DAB2IP: variants seen among roughly 807,000 people sequenced by gnomAD.
DAB2IP encodes DAB2 interacting protein, also known as disabled homolog 2-interacting protein.
A neutral mutation model predicts 107.2 loss-of-function variants in DAB2IP; 28 were observed. That is an observed-to-expected ratio of 0.26 (90% CI 0.19 to 0.36). The LOEUF (loss-of-function observed/expected upper bound fraction) is 0.36, where lower values mean the gene tolerates loss of function less well. Ranked by LOEUF, DAB2IP falls within the 10% of genes least tolerant of loss-of-function variation. DAB2IP has a pLI of 1.00. For missense variants in DAB2IP, 1,400 were observed against 1,644.7 expected (o/e 0.85, Z 2.57); for synonymous variants, 755 against 706.4 (o/e 1.07, Z -1.09).
intron 1 of DAB2IP, among the ~76,000 whole-genome samples, chr9:121,619,467 C>T (rs1412352915): frequency 6.6e-6 from 1 of 152,184 alleles, no homozygotes; most frequent in Non-Finnish European, 1.5e-5. Flanking sequence ...TTAACTGTGA[C>T]AAGAGTGAGC....
Position 121,651,744 on chromosome 9 carries a change from C to A in DAB2IP, c.-32C>A. The A allele has an allele frequency of 7.9e-7, 1 of 1,267,890 alleles. No homozygotes were observed. The highest frequency in any genetic ancestry group is 1.0e-6 in the Non-Finnish European group (1 of 1,003,442). The allele number at this position is 1,267,890 out of a possible 1,614,324, so 78.5% of individuals were successfully genotyped here. A position where few individuals can be genotyped will look rare whatever the true frequency, so the allele number is the denominator to read the frequency against. On this transcript the variant is annotated 5_prime_UTR_variant, in exon 1 of 16. Transcript: ENST00000408936. The surrounding 1 kb of genome is among the most constrained non-coding windows in gnomAD (Gnocchi z 5.1). ...CCGATGGGGCCCGTGTGAGCGCGCC[C>A]AGGCCCGGCCCGGTGCCCGGCGGGC...
chr9:121,701,691 A>C lies in DAB2IP; in HGVS notation c.362+2233A>C, dbSNP rs1829792079. 6.6e-6 allele frequency among the ~76,000 whole-genome samples: 1 copy of C among 152,006 alleles called. No individual in the cohort carries two copies. Among genetic ancestry groups the C allele is most frequent in the African/African-American group, 2.4e-5 (1 of 41,376 alleles). On this transcript the variant is annotated intron_variant, in intron 3 of 15. Coordinates refer to ENST00000408936, the Ensembl canonical transcript of DAB2IP. The surrounding 1 kb of genome is among the most constrained non-coding windows in gnomAD (Gnocchi z 4.7). ...GCTGCTGCTGGGATGGATGGGCAGA[A>C]ATTTCTCTGGGGCTGTCCCTGGAGT...
chr9:121,717,059 G>GC (rs570395213), intron 3 of DAB2IP, among the ~76,000 whole-genome samples: 43 of 152,338 alleles, frequency 2.8e-4, no homozygotes, highest in African/African-American at 9.9e-4. Flanking sequence ...ATGAAGATGG[G>GC]CCGGGGTCTC....
chr9:121,741,146 A>C (rs1252987722), intron 3 of DAB2IP, among the ~76,000 whole-genome samples: 1 of 152,034 alleles, frequency 6.6e-6, no homozygotes, highest in Non-Finnish European at 1.5e-5. Flanking sequence ...CTCTCCCCAC[A>C]TGCGCACCAG....
intron 3 of DAB2IP, among the ~76,000 whole-genome samples, chr9:121,747,321 G>A (rs189456246): frequency 2.4e-4 from 36 of 150,290 alleles, no homozygotes; most frequent in East Asian, 9.8e-4. Flanking sequence ...ACTCACCCTC[G>A]TCAATGAGTG....
At chr9:121,704,747 C>T (rs1829972123) in intron 3 of DAB2IP, among the ~76,000 whole-genome samples, 1 of 152,164 alleles carries the variant, frequency 6.6e-6, no homozygotes. Flanking sequence ...AATTCCTAAT[C>T]CTATCATTCA....
In DAB2IP at chr9:121,752,464, G is replaced by A. The variant is rs116348457; in HGVS notation, c.363-4549G>A. Among the ~76,000 whole-genome samples, 185 of 152,356 alleles carry A rather than the reference G, an allele frequency of 1.2e-3. 4 individuals are homozygous for A. The highest frequency in any genetic ancestry group is 4.1e-3 in the African/African-American group (171 of 41,572). On this transcript the variant is annotated intron_variant, in intron 3 of 15. Transcript: ENST00000408936. ...CAAGGAGCCCCCTGCCTGACAAGGAGCCAGTTCTGTGACAGACCTTCCCAG... is the reference window on the plus strand; with the variant it reads ...CAAGGAGCCCCCTGCCTGACAAGGAACCAGTTCTGTGACAGACCTTCCCAG...
In DAB2IP at chr9:121,699,276, G is replaced by A. The variant is rs1311192757; in HGVS notation, c.229-49G>A. 7.1e-6 allele frequency: 9 copies of A among 1,267,372 alleles called. No homozygotes were observed. Among genetic ancestry groups the A allele is most frequent in the South Asian group, 1.7e-5 (1 of 58,536 alleles). The allele number at this position is 1,267,372 out of a possible 1,614,324, so 78.5% of individuals were successfully genotyped here. A position where few individuals can be genotyped will look rare whatever the true frequency, so the allele number is the denominator to read the frequency against. ...CCCGCGCGGGTCCCGGCCCGCCGCC[G>A]CCGCGCTAACCCCGCCTCCCCTTCC... On this transcript the variant is annotated intron_variant, in intron 2 of 15. Coordinates refer to ENST00000408936, the Ensembl canonical transcript of DAB2IP. This position sits in a 1 kb window ranked among gnomAD's most constrained non-coding sequence, Gnocchi z 6.2.
At chr9:121,735,243 G>T (rs1410798614) in intron 3 of DAB2IP, among the ~76,000 whole-genome samples, 1 of 152,194 alleles carries the variant, frequency 6.6e-6, no homozygotes, top group African/African-American at 2.4e-5. Flanking sequence ...TGGGCAGACG[G>T]GGTGGTGTTG....
At chr9:121,586,274 G>A (rs1830310833) in intron 1 of DAB2IP, among the ~76,000 whole-genome samples, 1 of 152,248 alleles carries the variant, frequency 6.6e-6, no homozygotes, top group African/African-American at 2.4e-5. Context: ...CCTGATGGCA[G>A]ATGAACTTCA....
At chr9:121,703,683 A>T (rs1006011340) in intron 3 of DAB2IP, among the ~76,000 whole-genome samples, 1 of 152,190 alleles carries the variant, frequency 6.6e-6, no homozygotes, top group African/African-American at 2.4e-5. Flanking sequence ...CATTTCTTAA[A>T]TGTTTCTAAA....
chr9:121,653,170 TAGTA>T (rs1832823427), intron 1 of DAB2IP, among the ~76,000 whole-genome samples: 1 of 104,096 alleles, frequency 9.6e-6, no homozygotes, highest in Non-Finnish European at 2.1e-5. Flanking sequence ...ACTAAGCCTT[TAGTA>T]CTCCTTGGAG....
rs1832034763 is a variant in DAB2IP, at chr9:121,635,016, A to G, written c.41-43662A>G. On this transcript the variant is annotated intron_variant, in intron 1 of 16. Transcript: ENST00000259371. This position sits in a 1 kb window ranked among gnomAD's most constrained non-coding sequence, Gnocchi z 4.3. ...CCCACCCAGCCTCAGACCTGTGTAT[A>G]TGTGTGTGTGTGTGCGCGTGCGTGT... 6.6e-6 allele frequency among the ~76,000 whole-genome samples: 1 copy of G among 151,688 alleles called. No homozygotes were observed. The highest frequency in any genetic ancestry group is 2.1e-4 in the South Asian group (1 of 4,798).
At chr9:121,765,235 A>T (rs1431547100) in intron 8 of DAB2IP, among the ~76,000 whole-genome samples, 1 of 151,938 alleles carries the variant, frequency 6.6e-6, no homozygotes, top group Non-Finnish European at 1.5e-5. Flanking sequence ...TGGGCATGTG[A>T]CTCAGGGAAA....
At chr9:121,738,383 A>G (rs1048854087) in intron 3 of DAB2IP, among the ~76,000 whole-genome samples, 4 of 152,216 alleles carry the variant, frequency 2.6e-5, no homozygotes, top group Non-Finnish European at 5.9e-5. Flanking sequence ...CTTTACTTCT[A>G]AAACTTTTAT....
chr9:121,602,582 G>T (rs957522874), intron 1 of DAB2IP, among the ~76,000 whole-genome samples: 18 of 151,998 alleles, frequency 1.2e-4, no homozygotes, highest in Non-Finnish European at 1.6e-4. Flanking sequence ...GTTTTGTTTT[G>T]TTTTGTTTTT....
At chr9:121,614,436 G>GT (rs1056572841) in intron 1 of DAB2IP, among the ~76,000 whole-genome samples, 4 of 149,886 alleles carry the variant, frequency 2.7e-5, no homozygotes, top group African/African-American at 9.9e-5. Context: ...TGCCTCCTAG[G>GT]TTCAAGTGAT....
chr9:121,776,468 C>A lies in DAB2IP; in HGVS notation c.3314+77C>A. 1 of 1,406,528 alleles carries A rather than the reference C, an allele frequency of 7.1e-7. No individual in the cohort carries two copies. The highest frequency in any genetic ancestry group is 1.5e-5 in the South Asian group (1 of 66,940). The allele number at this position is 1,406,528 out of a possible 1,614,324, so 87.1% of individuals were successfully genotyped here. ...CGCTGCCTTCGAGGAGGCCCCTGGT[C>A]GGGGAGCCTCCTCAAAGGATAAGCT... On this transcript the variant is annotated intron_variant, in intron 14 of 15. Coordinates refer to ENST00000408936, the Ensembl canonical transcript of DAB2IP. The surrounding 1 kb of genome is among the most constrained non-coding windows in gnomAD (Gnocchi z 5.4).
chr9:121,620,773 G>A (rs1354641788), intron 1 of DAB2IP, among the ~76,000 whole-genome samples: 2 of 152,040 alleles, frequency 1.3e-5, no homozygotes, highest in African/African-American at 2.4e-5. Flanking sequence ...GTCCTAACCC[G>A]GGTACCCTCC....
Sources: gnomAD v4.1 joint callset for allele counts (sites outside exome capture counted in the v4.1 genomes callset) on GRCh38, gnomAD v4.1.1 for gene constraint, Gnocchi (gnomAD v3.1) non-coding constraint, MANE v1.5 for transcripts, NCBI Gene and HGNC (gene_info 2026-07-23, HGNC 2026-07-21) for gene names.